The following ZNF469 variants were observed in gnomAD, a reference collection of about 807,000 sequenced individuals.
ZNF469 encodes the protein zinc finger protein 469.
In ZNF469, 1 loss-of-function variant was observed where a neutral mutation model predicts 1.0. That is an observed-to-expected ratio of 1.00 (90% CI 0.35 to 4.73). ZNF469 has a LOEUF of 4.73. ZNF469 is among the 30% of genes most tolerant of loss of function. ZNF469 has a pLI of 0.16. For synonymous variants in ZNF469, 2,703 were observed against 2,363.4 expected (o/e 1.14, Z -4.17); for missense variants, 6,100 against 5,356.3 (o/e 1.14, Z -4.33).
chr16:88,302,796 C>T, the ZNF469 span, among the ~76,000 whole-genome samples: 2 of 152,124 alleles, frequency 1.3e-5, no homozygotes, highest in Non-Finnish European at 2.9e-5. Flanking sequence ...TGTCTACCCT[C>T]GCCTCACTCT....
At chr16:88,417,093 G>A (rs1020827000) in intron 1 of ZNF469, among the ~76,000 whole-genome samples, 4 of 152,236 alleles carry the variant, frequency 2.6e-5, no homozygotes, top group African/African-American at 9.6e-5. Context: ...CAGAGCTGCT[G>A]CTTGGCACAT....
the ZNF469 span, among the ~76,000 whole-genome samples, chr16:88,293,347 T>C: frequency 6.6e-6 from 1 of 151,072 alleles, no homozygotes; most frequent in Non-Finnish European, 1.5e-5. Context: ...GATGGATGGA[T>C]GGATGGTTAA....
the ZNF469 span, among the ~76,000 whole-genome samples, chr16:88,317,929 G>C: frequency 6.6e-6 from 1 of 152,244 alleles, no homozygotes; most frequent in Non-Finnish European, 1.5e-5. Flanking sequence ...CCTAGGTCTT[G>C]AGGGTGATGG....
intron 1 of ZNF469, among the ~76,000 whole-genome samples, chr16:88,411,878 A>T (rs1055385063): frequency 1.3e-5 from 2 of 152,062 alleles, no homozygotes; most frequent in Non-Finnish European, 2.9e-5. Context: ...GCCCTTCAGC[A>T]TTCTGGGGGC....
At chr16:88,198,207 C>T in the ZNF469 span, among the ~76,000 whole-genome samples, 1 of 152,192 alleles carries the variant, frequency 6.6e-6, no homozygotes, top group Non-Finnish European at 1.5e-5. Context: ...GACAGAAGGA[C>T]GTATCCCACA....
At chr16:88,342,726 G>A in the ZNF469 span, among the ~76,000 whole-genome samples, 1 of 152,210 alleles carries the variant, frequency 6.6e-6, no homozygotes, top group East Asian at 1.9e-4. Context: ...TTTCAAGGTG[G>A]CATCTGTTCT....
At chr16:88,107,625 C>T in the ZNF469 span, among the ~76,000 whole-genome samples, 10 of 152,228 alleles carry the variant, frequency 6.6e-5, no homozygotes, top group East Asian at 1.9e-3. Context: ...AAGGTCTTCC[C>T]AGATGATCCA....
the ZNF469 span, among the ~76,000 whole-genome samples, chr16:88,318,249 G>C: frequency 6.6e-6 from 1 of 152,218 alleles, no homozygotes; most frequent in Non-Finnish European, 1.5e-5. Flanking sequence ...TGTGGCTGTG[G>C]GTATACCAAC....
the ZNF469 span, among the ~76,000 whole-genome samples, chr16:88,293,019 T>C: frequency 9.9e-5 from 15 of 152,212 alleles, no homozygotes; most frequent in Non-Finnish European, 7.3e-5. Context: ...GCATGGCCTC[T>C]ACCAGCAGCC....
chr16:88,368,935 C>T, the ZNF469 span, among the ~76,000 whole-genome samples: 1 of 152,130 alleles, frequency 6.6e-6, no homozygotes, highest in African/African-American at 2.4e-5. Context: ...AAAAATTAGC[C>T]ATGTGTGCTG....
chr16:88,179,337 A>C, the ZNF469 span, among the ~76,000 whole-genome samples: 2 of 152,186 alleles, frequency 1.3e-5, no homozygotes, highest in African/African-American at 4.8e-5. Flanking sequence ...AGGTGTTAAA[A>C]GAGCGTGGCC....
At chr16:88,332,110 G>A in the ZNF469 span, among the ~76,000 whole-genome samples, 1 of 152,202 alleles carries the variant, frequency 6.6e-6, no homozygotes, top group African/African-American at 2.4e-5. Flanking sequence ...ATGGGACAGG[G>A]AGTCTCTCTC....
the ZNF469 span, among the ~76,000 whole-genome samples, chr16:88,138,385 C>T: frequency 1.3e-5 from 2 of 152,330 alleles, no homozygotes; most frequent in East Asian, 3.9e-4. Flanking sequence ...TGGGAGCGCC[C>T]AGCGGGTTGT....
At chr16:88,320,768 C>T in the ZNF469 span, among the ~76,000 whole-genome samples, 2 of 152,174 alleles carry the variant, frequency 1.3e-5, no homozygotes, top group South Asian at 2.1e-4. Flanking sequence ...GCACTTATGT[C>T]CATGTAGTCT....
At chr16:88,279,684 A>G in the ZNF469 span, among the ~76,000 whole-genome samples, 55 of 102,710 alleles carry the variant, frequency 5.4e-4, no homozygotes, top group African/African-American at 1.8e-3. Context: ...GCTGTGCCAC[A>G]CTGACACTCG....
intron 1 of ZNF469, among the ~76,000 whole-genome samples, chr16:88,421,241 C>T (rs1235957349): frequency 6.6e-6 from 1 of 152,218 alleles, no homozygotes; most frequent in Non-Finnish European, 1.5e-5. Flanking sequence ...GCCACCCCAA[C>T]CTGCTCTTGA....
the ZNF469 span, among the ~76,000 whole-genome samples, chr16:88,304,262 C>T: frequency 2.6e-5 from 4 of 152,156 alleles, no homozygotes; most frequent in East Asian, 3.9e-4. Flanking sequence ...CGCTGCAGCC[C>T]GGCCGCCCCC....
chr16:88,175,429 T>C, the ZNF469 span, among the ~76,000 whole-genome samples: 2 of 152,340 alleles, frequency 1.3e-5, no homozygotes, highest in East Asian at 1.9e-4. Flanking sequence ...AAGTGGACTA[T>C]ATTCTGGGCC....
chr16:88,408,065 T>C (rs1167265713), intron 1 of ZNF469, among the ~76,000 whole-genome samples: 3 of 152,264 alleles, frequency 2.0e-5, no homozygotes, highest in Admixed American at 6.5e-5. Flanking sequence ...TTAGACTTCC[T>C]GTAAGCTTTT....
Sources: gnomAD v4.1 joint callset for allele counts (sites outside exome capture counted in the v4.1 genomes callset) on GRCh38, gnomAD v4.1.1 for gene constraint, MANE v1.5 for transcripts, NCBI Gene and HGNC (gene_info 2026-07-23, HGNC 2026-07-21) for gene names.